The following RAD50 variants were observed in gnomAD, a reference collection of about 807,000 sequenced individuals.
RAD50 encodes DNA repair protein RAD50.
In RAD50, 132 loss-of-function variants were observed where a neutral mutation model predicts 168.8. The observed-to-expected ratio is 0.78, with a 90% CI of 0.68 to 0.90. The LOEUF is 0.90. Among genes scored for constraint, RAD50 ranks in the 40% least tolerant of loss-of-function variants. RAD50 has a pLI of 0.00. For missense variants in RAD50, 1,347 were observed against 1,534.4 expected (o/e 0.88, Z 2.04); for synonymous variants, 525 against 497.4 (o/e 1.06, Z -0.74).
chr5:132,627,156 C>T (rs565868225), intron 21 of RAD50, among the ~76,000 whole-genome samples: 4 of 152,260 alleles, frequency 2.6e-5, no homozygotes, highest in South Asian at 2.1e-4. Flanking sequence ...GCTGGGATTA[C>T]GGGCATGACC....
chr5:132,569,139 G>T (rs1307342934), intron 2 of RAD50, among the ~76,000 whole-genome samples: 3 of 151,844 alleles, frequency 2.0e-5, no homozygotes, highest in African/African-American at 7.3e-5. Context: ...CAAAATGAAA[G>T]AAATAATAGA....
At chr5:132,635,622 C>T (rs1486572973) in intron 21 of RAD50, among the ~76,000 whole-genome samples, 1 of 152,196 alleles carries the variant, frequency 6.6e-6, no homozygotes, top group African/African-American at 2.4e-5. Flanking sequence ...CACGTGTGCG[C>T]CTTGGCCACC....
intron 12 of RAD50, chr5:132,595,284 GA>G: frequency 3.5e-6 from 2 of 579,136 alleles, no homozygotes; most frequent in Non-Finnish European, 6.0e-6. Flanking sequence ...GTGTGAATGA[GA>G]TTGTAATTAT....
At chr5:132,625,303 G>A (rs1751354707) in intron 21 of RAD50, among the ~76,000 whole-genome samples, 1 of 151,800 alleles carries the variant, frequency 6.6e-6, no homozygotes, top group Non-Finnish European at 1.5e-5. Context: ...AGCCGGGATG[G>A]TCTCGATCTC....
chr5:132,588,883 A>G lies in RAD50; in HGVS notation c.1245+3A>G. Reference sequence around the variant, plus strand: ...CAAAAACTGCCAACCAACTGATGGCAAGTATTTTGAAATACAGTATTTGTT... The same window carrying G: ...CAAAAACTGCCAACCAACTGATGGCGAGTATTTTGAAATACAGTATTTGTT... On this transcript the variant is annotated splice_donor_region_variant and intron_variant, in intron 8 of 24. Coordinates refer to ENST00000378823, the MANE Select transcript of RAD50 (RefSeq NM_005732.4). The G allele has an allele frequency of 6.2e-7, 1 of 1,605,672 alleles. No homozygotes were observed. Among genetic ancestry groups the G allele is most frequent in the East Asian group, 2.2e-5 (1 of 44,782 alleles).
intron 12 of RAD50, 49 bp from the exon 13 acceptor site, chr5:132,595,524 A>G (rs774760600): frequency 2.4e-6 from 3 of 1,257,964 alleles, no homozygotes; most frequent in African/African-American, 3.0e-5. Flanking sequence ...AGAATACTGT[A>G]TTTTATGTTT....
chr5:132,563,994 C>T (rs2706342), intron 2 of RAD50, among the ~76,000 whole-genome samples: 10,660 of 152,176 alleles, frequency 0.07, 1,180 homozygotes, highest in African/African-American at 0.24. Flanking sequence ...CTGAGGCCTC[C>T]GCAGTCATGC....
In RAD50 at chr5:132,646,056, TG is replaced by T. The variant is rs2149869275; in HGVS notation, c.*3695del. The stretch of plus-strand genomic sequence containing the variant: ...TGATTTGTGCCACTGCACCCCAGCC[TG>T]GGTGGGTGGCAGAGTGAGACCCTGT... On this transcript the variant is annotated 3_prime_UTR_variant, in exon 25 of 25. Coordinates refer to ENST00000378823, the MANE Select transcript of RAD50 (RefSeq NM_005732.4). 8.9e-6 allele frequency: 1 copy of T among 112,660 alleles called. No homozygotes were observed. Among genetic ancestry groups the T allele is most frequent in the South Asian group, 3.1e-4 (1 of 3,182 alleles). 7.0% of individuals were successfully genotyped at this position (112,660 alleles called of 1,614,324 possible).
At chr5:132,566,778 A>G (rs899913450) in intron 2 of RAD50, among the ~76,000 whole-genome samples, 1 of 152,174 alleles carries the variant, frequency 6.6e-6, no homozygotes, top group Non-Finnish European at 1.5e-5. Context: ...TTAGGTTGAT[A>G]CTCTTCTTTT....
chr5:132,615,469 T>G (rs1433034425), intron 19 of RAD50, among the ~76,000 whole-genome samples: 1 of 152,106 alleles, frequency 6.6e-6, no homozygotes, highest in Admixed American at 6.5e-5. Context: ...GTTCTAATGG[T>G]CTTGGTACAT....
Position 132,575,848 on chromosome 5 carries a change from TG to T in RAD50, c.286del (p.Val96CysfsTer34). ...GTGATGTCAATGGAGAACTTATAGC[TG>T]TGCAAAGATCTATGGTGTGTACTCA... ...FRDVNGELIA[V>X]QRSMVCTQKS... On this transcript the variant is annotated frameshift_variant, in exon 3 of 25. Coordinates refer to ENST00000378823, the MANE Select transcript of RAD50 (RefSeq NM_005732.4). LOFTEE classifies it high-confidence loss of function. 1 of 1,603,362 alleles carries T rather than the reference TG, an allele frequency of 6.2e-7. No homozygotes were observed. Among genetic ancestry groups the T allele is most frequent in the African/African-American group, 1.3e-5 (1 of 74,826 alleles).
At chr5:132,584,221 T>C (rs778141937) in intron 5 of RAD50, among the ~76,000 whole-genome samples, 2 of 152,224 alleles carry the variant, frequency 1.3e-5, no homozygotes, top group Non-Finnish European at 2.9e-5. Flanking sequence ...TGAGATGATA[T>C]CTCATTGTGG....
chr5:132,598,388 G>A (rs560237390), intron 13 of RAD50, among the ~76,000 whole-genome samples: 6 of 152,186 alleles, frequency 3.9e-5, no homozygotes, highest in African/African-American at 7.2e-5. Flanking sequence ...TGTCTTACTC[G>A]TTGTATCTCC....
intron 9 of RAD50, among the ~76,000 whole-genome samples, chr5:132,590,727 T>C (rs535046795): frequency 1.3e-5 from 2 of 152,346 alleles, no homozygotes; most frequent in Non-Finnish European, 2.9e-5. Flanking sequence ...ATAATTTATG[T>C]AAACATTTAT....
chr5:132,606,808 G>T (rs546431378), intron 16 of RAD50, among the ~76,000 whole-genome samples: 1 of 152,158 alleles, frequency 6.6e-6, no homozygotes, highest in Non-Finnish European at 1.5e-5. Flanking sequence ...TGCAAGGCTG[G>T]TTCAACATAT....
intron 18 of RAD50, 21 bp downstream of exon 18, chr5:132,609,230 ATTTAT>A: frequency 6.2e-7 from 1 of 1,606,356 alleles, no homozygotes; most frequent in Non-Finnish European, 8.5e-7. Context: ...ACTTAAAATT[ATTTAT>A]TTGATTGTAT....
chr5:132,625,269 G>A (rs993998833), intron 21 of RAD50, among the ~76,000 whole-genome samples: 2 of 151,612 alleles, frequency 1.3e-5, no homozygotes, highest in Admixed American at 6.6e-5. Context: ...TGTATTTTTA[G>A]TAGAGACGGG....
chr5:132,642,698 TAATTACTGCCTTGAA>T lies in RAD50; in HGVS notation c.*339_*353del. 1 of 418,202 alleles carries T rather than the reference TAATTACTGCCTTGAA, an allele frequency of 2.4e-6. No homozygotes were observed. Among genetic ancestry groups the T allele is most frequent in the Non-Finnish European group, 4.4e-6 (1 of 225,188 alleles). 25.9% of individuals were successfully genotyped at this position (418,202 alleles called of 1,614,324 possible). On this transcript the variant is annotated 3_prime_UTR_variant, in exon 25 of 25. Transcript: ENST00000378823. ...TCTCAAAGCACTGTTGAGAAGGAGA[TAATTACTGCCTTGAA>T]AATTTATGGTTTTGGTATTTTTTTA...
At chr5:132,614,575 T>G (rs911058986) in intron 19 of RAD50, among the ~76,000 whole-genome samples, 1 of 152,140 alleles carries the variant, frequency 6.6e-6, no homozygotes, top group African/African-American at 2.4e-5. Context: ...TGTTTACATA[T>G]AGCCTATCCA....
Sources: gnomAD v4.1 joint callset for allele counts (sites outside exome capture counted in the v4.1 genomes callset) on GRCh38, gnomAD v4.1.1 for gene constraint, MANE v1.5 for transcripts, NCBI Gene and HGNC (gene_info 2026-07-23, HGNC 2026-07-21) for gene names.